The following PRR35 variants were observed in gnomAD, a reference collection of about 807,000 sequenced individuals.
PRR35 encodes proline-rich protein 35.
Under a neutral mutation model 18.6 loss-of-function variants are expected in PRR35, and 14 were observed. The ratio of observed to expected loss-of-function variants is 0.75; its 90% CI spans 0.50 to 1.18. PRR35 has a LOEUF of 1.18. Among genes scored for constraint, PRR35 ranks in the 50% most tolerant of loss-of-function variants. The pLI, the probability that PRR35 is intolerant of heterozygous loss-of-function variation, is 0.00. For synonymous variants in PRR35, 425 were observed against 378.2 expected (o/e 1.12, Z -1.43); for missense variants, 832 against 792.2 (o/e 1.05, Z -0.60).
chr16:561,578 C>T (rs1256796864), intron 1 of PRR35, among the ~76,000 whole-genome samples: 1 of 152,266 alleles, frequency 6.6e-6, no homozygotes, highest in African/African-American at 2.4e-5. Context: ...GCCACCCTGT[C>T]TCAGCCACAG....
chr16:564,825 C>G lies in PRR35; in HGVS notation c.1234C>G (p.Leu412Val), dbSNP rs886186746. Reference protein sequence around the residue: ...EHVGEDLTRALGDYARVEQRL... With the variant: ...EHVGEDLTRAVGDYARVEQRL... ...TGTGGGCGAGGACCTGACCCGAGCC[C>G]TCGGTGACTACGCCAGGGTGGAGCA... Residue 412 changes from leucine (L) to valine (V), a missense_variant, in exon 3 of 3, where the codon CTC becomes GTC. By Grantham distance (32) the Leu-to-Val change is conservative (BLOSUM62 1). This residue lies in a region of PRR35 where 768 missense variants were observed against 704.1 expected (regional missense o/e 1.09). Transcript: ENST00000409413. 9.0e-6 allele frequency: 14 copies of G among 1,559,216 alleles called. No homozygotes were observed. In the Admixed American group the frequency reaches 9.1e-5, roughly 10 times the overall value.
upstream of PRR35, among the ~76,000 whole-genome samples, chr16:560,118 C>A (rs1447757439): frequency 2.0e-5 from 3 of 151,728 alleles, no homozygotes; most frequent in Admixed American, 6.6e-5. Context: ...AGGCGCCGGG[C>A]GCCCCTGACT....
chr16:564,632 T>C (rs1596375868), intron 2 of PRR35, 42 bp from the exon 3 acceptor site: 1 of 1,480,376 alleles, frequency 6.8e-7, no homozygotes, highest in East Asian at 2.5e-5. Context: ...CCGGGGGCGC[T>C]GTGGGGGCAG....
chr16:564,990 C>T lies in PRR35; in HGVS notation c.1399C>T (p.Leu467Phe). Reference sequence around the variant, plus strand: ...GAGGCCGCCAGACGCACCCCTCGACCTCTCTGTGAAACGTGCGCCCGCCAA... The same window carrying T: ...GAGGCCGCCAGACGCACCCCTCGACTTCTCTGTGAAACGTGCGCCCGCCAA... ...AVRPPDAPLD[L>F]SVKRAPAKGP... The change falls in exon 3 of 3, where the codon CTC (leucine) becomes TTC (phenylalanine). Residue 467 changes from leucine (L) to phenylalanine (F), a missense_variant. Around this residue, in one of 3 missense-constraint regions of PRR35, gnomAD observed 768 missense variants for 704.1 expected, o/e 1.09. Transcript: ENST00000409413. 1 of 1,607,736 alleles carries T rather than the reference C, an allele frequency of 6.2e-7. No individual in the cohort carries two copies. The highest frequency in any genetic ancestry group is 1.1e-5 in the South Asian group (1 of 90,506).
intron 1 of PRR35, among the ~76,000 whole-genome samples, chr16:562,584 T>C (rs1268812610): frequency 1.5e-5 from 2 of 129,528 alleles, no homozygotes; most frequent in African/African-American, 2.7e-5. Flanking sequence ...CACGCACACA[T>C]GCACACACAC....
chr16:559,855 G>C (rs950437768), upstream of PRR35: 23 of 704,998 alleles, frequency 3.3e-5, no homozygotes, highest in Non-Finnish European at 3.8e-5. Flanking sequence ...GGCAGGGCTC[G>C]CCCAGGGAGG....
chr16:561,805 T>C lies in PRR35; in HGVS notation c.-40+1144T>C, dbSNP rs1242954281. The C allele has an allele frequency of 2.1e-5, 21 of 985,132 alleles. 1 individual carries two copies. The South Asian group carries it at 6.6e-4, about 31-fold the overall frequency. The allele number at this position is 985,132 out of a possible 1,614,324, so 61.0% of individuals were successfully genotyped here. ...TGCGACCCCCAGCCAGGTCTGCGTG[T>C]GTCCTGGGGAGTCGGTGTGTAGGGC... On this transcript the variant is annotated intron_variant, in intron 1 of 2. Transcript: ENST00000409413.
chr16:560,424 G>T lies in PRR35; in HGVS notation c.-277G>T, dbSNP rs983612692. 1.1e-5 allele frequency: 11 copies of T among 982,910 alleles called. No homozygotes were observed. Among genetic ancestry groups the T allele is most frequent in the African/African-American group, 3.5e-5 (2 of 57,018 alleles). The allele number at this position is 982,910 out of a possible 1,614,324, so 60.9% of individuals were successfully genotyped here. A position where few individuals can be genotyped will look rare whatever the true frequency, so the allele number is the denominator to read the frequency against. On this transcript the variant is annotated 5_prime_UTR_variant, in exon 1 of 3. Transcript: ENST00000409413. ...CGGGAGGTGCGAGCGGCGTCGGGGG[G>T]ACGCGGGCGGCGGCGGAGGCTGCGG...
chr16:563,019 A>G (rs2035464949), intron 1 of PRR35, among the ~76,000 whole-genome samples: 1 of 149,650 alleles, frequency 6.7e-6, no homozygotes, highest in African/African-American at 2.4e-5. Context: ...CGTCAGATGC[A>G]GCTCGCTGTC....
At chr16:560,752 TGGGGGGCGC>T in intron 1 of PRR35, 91 bp downstream of exon 1, 3 of 798,924 alleles carry the variant, frequency 3.8e-6, no homozygotes, top group Non-Finnish European at 4.4e-6. Flanking sequence ...GCCAGGCGTG[TGGGGGGCGC>T]GGGGGGCGGC....
At chr16:562,550 T>C (rs961362022) in intron 1 of PRR35, among the ~76,000 whole-genome samples, 4 of 150,690 alleles carry the variant, frequency 2.7e-5, no homozygotes, top group African/African-American at 9.8e-5. Flanking sequence ...CACACGCACA[T>C]GCACGCACAC....
At chr16:561,345 T>C (rs970334573) in intron 1 of PRR35, among the ~76,000 whole-genome samples, 3 of 152,166 alleles carry the variant, frequency 2.0e-5, no homozygotes, top group Non-Finnish European at 4.4e-5. Context: ...GGTTGTGGCA[T>C]CGGCTGGCAC....
upstream of PRR35, chr16:560,312 C>T (rs1567167745): frequency 1.0e-6 from 1 of 979,356 alleles, no homozygotes; most frequent in East Asian, 1.2e-4. Context: ...CTGCTCCTTC[C>T]CTCCCGCCGC....
rs778142967 is a variant in PRR35, at chr16:565,329, C to T, written c.*22C>T. On this transcript the variant is annotated 3_prime_UTR_variant, in exon 3 of 3. Coordinates refer to ENST00000409413, the MANE Select transcript of PRR35 (RefSeq NM_145270.3). ...CTGACCTGCAGCGCCTGAGGTCTGA[C>T]TGTCTCTGCCTGCAGCATGCCGGCC... 2.8e-6 allele frequency: 4 copies of T among 1,447,852 alleles called. No homozygotes were observed. Among genetic ancestry groups the T allele is most frequent in the Non-Finnish European group, 3.6e-6 (4 of 1,100,018 alleles). 89.7% of individuals were successfully genotyped at this position (1,447,852 alleles called of 1,614,324 possible). A position where few individuals can be genotyped will look rare whatever the true frequency, so the allele number is the denominator to read the frequency against.
chr16:564,938 C>T lies in PRR35; in HGVS notation c.1347C>T (p.Thr449=). ...QLGKIRLELL[T]IHQALEQAVR... ...GCAAGATCCGCCTGGAGCTGCTCAC[C>T]ATTCACCAGGCGCTGGAGCAGGCCG... The change falls in exon 3 of 3, where the codon ACC becomes ACT. Residue 449 remains threonine, a synonymous_variant. Coordinates refer to ENST00000409413, the MANE Select transcript of PRR35 (RefSeq NM_145270.3). 1 of 1,604,654 alleles carries T rather than the reference C, an allele frequency of 6.2e-7. No homozygotes were observed. The highest frequency in any genetic ancestry group is 8.5e-7 in the Non-Finnish European group (1 of 1,178,172).
chr16:560,301 G>A (rs2035411491), upstream of PRR35: 6 of 965,568 alleles, frequency 6.2e-6, no homozygotes, highest in African/African-American at 1.8e-5. Flanking sequence ...CGGGCCGGGG[G>A]CTGCTCCTTC....
rs2035417675 is a variant in PRR35, at chr16:560,669, C to T, written c.-40+8C>T. 1.0e-6 allele frequency: 1 copy of T among 983,118 alleles called. No homozygotes were observed. The highest frequency in any genetic ancestry group is 1.2e-6 in the Non-Finnish European group (1 of 828,828). 60.9% of individuals were successfully genotyped at this position (983,118 alleles called of 1,614,324 possible). A position where few individuals can be genotyped will look rare whatever the true frequency, so the allele number is the denominator to read the frequency against. ...GCTCCCGGCCGGGCGCAGGTAGGAG[C>T]GGCGGGAGCCGCGGGGGCGGCCAGT... is the stretch of plus-strand genomic sequence containing the variant. On this transcript the variant is annotated splice_region_variant and intron_variant, in intron 1 of 2. Transcript: ENST00000409413.
rs201263384 is a variant in PRR35, at chr16:563,870, G to A, written c.576G>A (p.Pro192=). The change falls in exon 2 of 3, where the codon CCG becomes CCA. Residue 192 remains proline, a synonymous_variant. Coordinates refer to ENST00000409413, the MANE Select transcript of PRR35 (RefSeq NM_145270.3). ...GPEGSVPCYP[P]PAPGEFPEAH... ...AGGGCAGCGTCCCCTGCTATCCCCC[G>A]CCTGCCCCAGGGGAGTTCCCTGAGG... is the stretch of plus-strand genomic sequence containing the variant. 150 of 1,558,298 alleles carry A rather than the reference G, an allele frequency of 9.6e-5. No individual in the cohort carries two copies. The East Asian group carries it at 3.2e-3, about 33-fold the overall frequency.
Position 564,047 on chromosome 16 carries a change from C to T in PRR35, c.753C>T (p.Ala251=), listed in dbSNP as rs1178194416. Reference sequence around the variant, plus strand: ...TGCCCCCGGCCACGGCCTTCCCAGCCGTGCAGCCCCCTCAGCGCCCCACCC... The same window carrying T: ...TGCCCCCGGCCACGGCCTTCCCAGCTGTGCAGCCCCCTCAGCGCCCCACCC... The part of the protein sequence containing the change: ...PLLPPATAFP[A]VQPPQRPTPA... Residue 251 remains alanine (A), a synonymous_variant, in exon 2 of 3, where the codon GCC becomes GCT. Coordinates refer to ENST00000409413, the MANE Select transcript of PRR35 (RefSeq NM_145270.3). The T allele has an allele frequency of 1.5e-5, 23 of 1,564,018 alleles. No individual in the cohort carries two copies. Among genetic ancestry groups the T allele is most frequent in the African/African-American group, 6.8e-5 (5 of 73,812 alleles).
Sources: gnomAD v4.1 joint callset for allele counts (sites outside exome capture counted in the v4.1 genomes callset) on GRCh38, gnomAD v4.1.1 for gene constraint, gnomAD v4.1.1 regional missense constraint, MANE v1.5 for transcripts, NCBI Gene and HGNC (gene_info 2026-07-23, HGNC 2026-07-21) for gene names.